LUZP2: variants seen among roughly 807,000 people sequenced by gnomAD.
LUZP2 encodes leucine zipper protein 2.
LUZP2 carries 52 observed loss-of-function variants against 51.6 expected under a neutral mutation model. The observed-to-expected ratio is 1.01, with a 90% CI of 0.81 to 1.27. LUZP2 has a LOEUF of 1.27. Ranked by LOEUF, LUZP2 falls within the 50% of genes most tolerant of loss-of-function variation. The pLI, the probability that LUZP2 is intolerant of heterozygous loss-of-function variation, is 0.00. For synonymous variants in LUZP2, 154 were observed against 137.3 expected (o/e 1.12, Z -0.85); for missense variants, 436 against 395.4 (o/e 1.10, Z -0.87).
chr11:24,985,799 T>A (rs1279259642), intron 9 of LUZP2, among the ~76,000 whole-genome samples: 1 of 151,766 alleles, frequency 6.6e-6, no homozygotes, highest in Non-Finnish European at 1.5e-5. Context: ...GATGATTATG[T>A]ATTTAAATCT....
At chr11:24,857,256 A>T (rs2134236717) in intron 5 of LUZP2, among the ~76,000 whole-genome samples, 1 of 147,970 alleles carries the variant, frequency 6.8e-6, no homozygotes, top group South Asian at 2.1e-4. Flanking sequence ...ACCCACAAGA[A>T]TATAAGATTC....
chr11:24,659,555 A>T (rs1855944236), intron 1 of LUZP2, among the ~76,000 whole-genome samples: 1 of 151,976 alleles, frequency 6.6e-6, no homozygotes, highest in African/African-American at 2.4e-5. Context: ...ATATACCCTA[A>T]AACTTTAAGT....
intron 1 of LUZP2, among the ~76,000 whole-genome samples, chr11:24,545,515 G>C (rs1165550449): frequency 6.9e-6 from 1 of 145,496 alleles, no homozygotes; most frequent in Non-Finnish European, 1.5e-5. Context: ...AGCAATCCCA[G>C]AATTATTTGC....
intron 9 of LUZP2, among the ~76,000 whole-genome samples, chr11:24,984,445 C>A (rs537347198): frequency 2.8e-4 from 41 of 147,074 alleles, no homozygotes; most frequent in African/African-American, 1.0e-3. Context: ...ATTAATGTTT[C>A]TCTTTTAAAA....
intron 7 of LUZP2, among the ~76,000 whole-genome samples, chr11:24,975,341 T>C (rs1238942908): frequency 6.6e-6 from 1 of 152,096 alleles, no homozygotes; most frequent in African/African-American, 2.4e-5. Flanking sequence ...AAATGCATTT[T>C]ATTATTCTTG....
intron 1 of LUZP2, among the ~76,000 whole-genome samples, chr11:24,679,144 C>G (rs1856656133): frequency 6.6e-6 from 1 of 152,094 alleles, no homozygotes; most frequent in Non-Finnish European, 1.5e-5. Context: ...TTAAAGAAAC[C>G]TTATGTCATA....
At chr11:24,993,113 A>G (rs1012067746) in intron 9 of LUZP2, among the ~76,000 whole-genome samples, 2 of 152,168 alleles carry the variant, frequency 1.3e-5, no homozygotes, top group African/African-American at 4.8e-5. Flanking sequence ...CTCTTGCTAA[A>G]AATTAGAAAC....
At position 24,869,931 on chromosome 11, in the gene LUZP2, C is replaced by T. The variant is rs1852008627; in HGVS notation, c.397-36060C>T. 2.0e-5 allele frequency among the ~76,000 whole-genome samples: 3 copies of T among 152,126 alleles called. 1 individual carries two copies. The South Asian group carries it at 6.2e-4, about 31-fold the overall frequency. On this transcript the variant is annotated intron_variant, in intron 5 of 11. Transcript: ENST00000336930. ...CTGAGATAGGCTAAGAGCTAGACTT[C>T]TTGCATTAAATAGGTAGCCAAATTG... is the stretch of plus-strand genomic sequence containing the variant.
intron 5 of LUZP2, among the ~76,000 whole-genome samples, chr11:24,830,343 T>A (rs1450648790): frequency 9.1e-6 from 1 of 110,470 alleles, no homozygotes; most frequent in African/African-American, 4.0e-5. Context: ...TTCTTTTATA[T>A]CTTTATTGTC....
chr11:24,592,381 T>A lies in LUZP2; in HGVS notation c.62+95076T>A, dbSNP rs75975053. On this transcript the variant is annotated intron_variant, in intron 1 of 11. Transcript: ENST00000336930. ...AGCAGGAGTACTGTCAGCATTAAAG[T>A]ATTTGTAATACTTTATGTAATTGTT... Among the ~76,000 whole-genome samples, 1,376 of 152,324 alleles carry A rather than the reference T, an allele frequency of 9.0e-3. 17 individuals carry two copies. The highest frequency in any genetic ancestry group is 0.032 in the African/African-American group (1,326 of 41,566).
intron 7 of LUZP2, among the ~76,000 whole-genome samples, chr11:24,924,456 C>T (rs547892258): frequency 6.6e-6 from 1 of 152,248 alleles, no homozygotes; most frequent in South Asian, 2.1e-4. Flanking sequence ...GTTGAAATCT[C>T]CCAAATGCTG....
At chr11:25,000,602 G>T (rs187883793) in intron 9 of LUZP2, among the ~76,000 whole-genome samples, 2 of 152,270 alleles carry the variant, frequency 1.3e-5, no homozygotes, top group African/African-American at 4.8e-5. Context: ...TAGCTGCCAC[G>T]GTACTTAGAA....
chr11:24,519,873 A>G (rs1205663578), intron 1 of LUZP2, among the ~76,000 whole-genome samples: 1 of 152,198 alleles, frequency 6.6e-6, no homozygotes, highest in Non-Finnish European at 1.5e-5. Context: ...AGTTCAGACA[A>G]TCTTTAGACA....
At chr11:24,655,185 T>C (rs1321353179) in intron 1 of LUZP2, among the ~76,000 whole-genome samples, 1 of 152,180 alleles carries the variant, frequency 6.6e-6, no homozygotes, top group Non-Finnish European at 1.5e-5. Flanking sequence ...AATTAAGACT[T>C]TGGGCTTATT....
chr11:24,658,596 C>T (rs1205169650), intron 1 of LUZP2, among the ~76,000 whole-genome samples: 9 of 152,138 alleles, frequency 5.9e-5, no homozygotes, highest in Non-Finnish European at 1.2e-4. Context: ...AAATAAAGAG[C>T]TTCTGCACAG....
At chr11:24,587,478 G>C (rs548453177) in intron 1 of LUZP2, among the ~76,000 whole-genome samples, 1 of 152,038 alleles carries the variant, frequency 6.6e-6, no homozygotes, top group Non-Finnish European at 1.5e-5. Flanking sequence ...TTTCTTCTTA[G>C]CTTTCTGATT....
chr11:25,054,048 T>A (rs568948312), intron 10 of LUZP2, among the ~76,000 whole-genome samples: 1 of 152,310 alleles, frequency 6.6e-6, no homozygotes. Flanking sequence ...CAGAAATTTA[T>A]TAAAGATATT....
At chr11:25,023,566 A>G (rs1464862782) in intron 9 of LUZP2, among the ~76,000 whole-genome samples, 2 of 96,736 alleles carry the variant, frequency 2.1e-5, no homozygotes, top group East Asian at 4.2e-4. Flanking sequence ...GCGGTATATC[A>G]ATTTTCAAAA....
chr11:24,813,071 A>G (rs942734557), intron 5 of LUZP2, among the ~76,000 whole-genome samples: 1 of 152,180 alleles, frequency 6.6e-6, no homozygotes, highest in Non-Finnish European at 1.5e-5. Context: ...CCTCTTAAGA[A>G]TCTTGATAAT....
Sources: gnomAD v4.1 joint callset for allele counts (sites outside exome capture counted in the v4.1 genomes callset) on GRCh38, gnomAD v4.1.1 for gene constraint, MANE v1.5 for transcripts, NCBI Gene and HGNC (gene_info 2026-07-23, HGNC 2026-07-21) for gene names.